MAN1A2: variants seen among roughly 807,000 people sequenced by gnomAD.
MAN1A2 encodes the protein mannosyl-oligosaccharide 1,2-alpha-mannosidase IB.
A neutral mutation model predicts 75.7 loss-of-function variants in MAN1A2; 26 were observed. The ratio of observed to expected loss-of-function variants is 0.34; its 90% CI spans 0.25 to 0.48. The LOEUF (loss-of-function observed/expected upper bound fraction) is 0.48, where lower values mean the gene tolerates loss of function less well. Ranked by LOEUF, MAN1A2 falls within the 20% of genes least tolerant of loss-of-function variation. The probability of loss-of-function intolerance (pLI) is 0.99; values close to 1 mark genes in which losing one functional copy is unlikely to be tolerated. For missense variants in MAN1A2, 562 were observed against 775.5 expected (o/e 0.72, Z 3.27); for synonymous variants, 247 against 264.6 (o/e 0.93, Z 0.65).
At chr1:117,468,114 TCA>T (rs1376386427) in intron 8 of MAN1A2, among the ~76,000 whole-genome samples, 6 of 152,146 alleles carry the variant, frequency 3.9e-5, no homozygotes, top group Non-Finnish European at 8.8e-5. Context: ...TTTAATTGAC[TCA>T]CAGTTCCACA....
intron 2 of MAN1A2, among the ~76,000 whole-genome samples, chr1:117,402,864 A>G (rs981215946): frequency 5.9e-5 from 9 of 152,088 alleles, no homozygotes; most frequent in African/African-American, 2.2e-4. Context: ...TTTTTTAAGG[A>G]ACATGTCATG....
chr1:117,475,194 C>T (rs943860423), intron 8 of MAN1A2, among the ~76,000 whole-genome samples: 9 of 151,950 alleles, frequency 5.9e-5, no homozygotes, highest in Middle Eastern at 6.8e-3. Context: ...GAATAGGCTG[C>T]TTTTATCAAA....
intron 3 of MAN1A2, among the ~76,000 whole-genome samples, chr1:117,413,241 G>A (rs1647881086): frequency 6.6e-6 from 1 of 151,990 alleles, no homozygotes; most frequent in African/African-American, 2.4e-5. Context: ...TGGAGTATTT[G>A]TCTTGTTAGC....
At chr1:117,421,913 TAG>T (rs1485555949) in intron 5 of MAN1A2, among the ~76,000 whole-genome samples, 2 of 152,122 alleles carry the variant, frequency 1.3e-5, no homozygotes, top group East Asian at 3.8e-4. Flanking sequence ...TCAGTGGGTT[TAG>T]CGTGGAGACC....
intron 1 of MAN1A2, among the ~76,000 whole-genome samples, chr1:117,370,435 T>G (rs1652922302): frequency 6.6e-6 from 1 of 152,208 alleles, no homozygotes; most frequent in African/African-American, 2.4e-5. Context: ...TGTTATCTCT[T>G]TGTATTTCTG....
At chr1:117,414,619 C>A in intron 3 of MAN1A2, 94 bp from the exon 4 acceptor site, 1 of 656,728 alleles carries the variant, frequency 1.5e-6, no homozygotes, top group Non-Finnish European at 2.7e-6. Flanking sequence ...AATTAAAATA[C>A]ACTGAATGTG....
At chr1:117,408,287 C>G (rs1440858594) in intron 3 of MAN1A2, among the ~76,000 whole-genome samples, 1 of 116,308 alleles carries the variant, frequency 8.6e-6, no homozygotes, top group Non-Finnish European at 1.8e-5. Flanking sequence ...AGCAACATAG[C>G]AAAACCCTTT....
intron 5 of MAN1A2, among the ~76,000 whole-genome samples, chr1:117,424,823 C>T (rs984428021): frequency 2.0e-5 from 3 of 152,132 alleles, no homozygotes; most frequent in African/African-American, 7.2e-5. Context: ...ATGGAATGTT[C>T]ATTCTTGGGT....
At chr1:117,384,981 T>C (rs994643538) in intron 1 of MAN1A2, among the ~76,000 whole-genome samples, 1 of 152,086 alleles carries the variant, frequency 6.6e-6, no homozygotes, top group Non-Finnish European at 1.5e-5. Flanking sequence ...GAAGAGTGGA[T>C]TTGGAATTGA....
At chr1:117,467,900 A>T (rs1650029723) in intron 8 of MAN1A2, among the ~76,000 whole-genome samples, 1 of 152,146 alleles carries the variant, frequency 6.6e-6, no homozygotes. Flanking sequence ...TACTATTTAA[A>T]TGTAAAAGAT....
intron 3 of MAN1A2, among the ~76,000 whole-genome samples, chr1:117,412,144 T>G (rs982198653): frequency 4.6e-5 from 7 of 151,790 alleles, no homozygotes; most frequent in Non-Finnish European, 7.4e-5. Flanking sequence ...TCTATGAAAC[T>G]TCTAGAATAT....
At position 117,522,920 on chromosome 1, in the gene MAN1A2, C is replaced by T; in HGVS notation, c.1889C>T (p.Ala630Val). ...EAHPLPVLHL[A>V]NTTLSGNPAV... ...CACCCTCTGCCTGTGTTACATTTAG[C>T]CAACACCACACTTTCAGGTAATCCT... The change falls in exon 13 of 13, where the codon GCC (alanine) becomes GTC (valine). Residue 630 changes from alanine (A) to valine (V), a missense_variant. Transcript: ENST00000356554. 1 of 1,611,676 alleles carries T rather than the reference C, an allele frequency of 6.2e-7. No individual in the cohort carries two copies. The highest frequency in any genetic ancestry group is 8.5e-7 in the Non-Finnish European group (1 of 1,178,526).
intron 6 of MAN1A2, among the ~76,000 whole-genome samples, chr1:117,444,750 T>C (rs1328011578): frequency 1.3e-5 from 2 of 152,062 alleles, no homozygotes. Context: ...TTTTGTAGAT[T>C]ATATAATTAA....
At chr1:117,434,604 G>C (rs1648788352) in intron 5 of MAN1A2, among the ~76,000 whole-genome samples, 1 of 152,100 alleles carries the variant, frequency 6.6e-6, no homozygotes, top group African/African-American at 2.4e-5. Context: ...TTCATCCATA[G>C]GAGAGTGACT....
chr1:117,442,700 A>G (rs1203637614), intron 6 of MAN1A2, among the ~76,000 whole-genome samples: 1 of 151,916 alleles, frequency 6.6e-6, no homozygotes, highest in Non-Finnish European at 1.5e-5. Flanking sequence ...TTTATATACC[A>G]CCTCCTGATC....
chr1:117,508,612 T>G (rs1205479960), intron 12 of MAN1A2, among the ~76,000 whole-genome samples: 1 of 151,678 alleles, frequency 6.6e-6, no homozygotes. Context: ...TACAGAGATG[T>G]TTATTGCTGT....
At chr1:117,409,401 G>A (rs1352079999) in intron 3 of MAN1A2, among the ~76,000 whole-genome samples, 7 of 147,032 alleles carry the variant, frequency 4.8e-5, no homozygotes, top group African/African-American at 1.0e-4. Context: ...CAGATTTCTC[G>A]TTTTAATTTT....
chr1:117,473,252 C>G (rs1163161711), intron 8 of MAN1A2, among the ~76,000 whole-genome samples: 2 of 151,822 alleles, frequency 1.3e-5, no homozygotes, highest in African/African-American at 4.8e-5. Context: ...TCCTTTACTT[C>G]TTTATCTCAC....
intron 3 of MAN1A2, among the ~76,000 whole-genome samples, chr1:117,411,831 T>C (rs1647828922): frequency 6.6e-6 from 1 of 151,806 alleles, no homozygotes; most frequent in East Asian, 1.9e-4. Context: ...TACCAAATAT[T>C]GACAAGGATG....
Sources: allele counts gnomAD v4.1 joint callset (sites outside exome capture counted in the v4.1 genomes callset), GRCh38; gene constraint gnomAD v4.1.1; transcripts MANE v1.5; gene names NCBI Gene and HGNC (gene_info 2026-07-23, HGNC 2026-07-21).